PLA2G2C: variants seen among roughly 807,000 people sequenced by gnomAD.
The protein encoded by PLA2G2C is putative inactive group IIC secretory phospholipase A2.
In PLA2G2C, 15 loss-of-function variants were observed where a neutral mutation model predicts 14.3. That is an observed-to-expected ratio of 1.05 (90% CI 0.70 to 1.62). PLA2G2C has a LOEUF of 1.62. PLA2G2C is among the 40% of genes most tolerant of loss of function. The probability of loss-of-function intolerance (pLI) is 0.00; values close to 1 mark genes in which losing one functional copy is unlikely to be tolerated. For synonymous variants in PLA2G2C, 79 were observed against 67.7 expected (o/e 1.17, Z -0.82); for missense variants, 162 against 173.2 (o/e 0.94, Z 0.36).
intron 1 of PLA2G2C, among the ~76,000 whole-genome samples, chr1:20,177,851 TTCA>T (rs2018212943): frequency 6.6e-6 from 1 of 152,234 alleles, no homozygotes; most frequent in South Asian, 2.1e-4. Context: ...AGGCATCATA[TTCA>T]TCAACTTTAC....
At chr1:20,165,043 G>A (rs553206613) in intron 4 of PLA2G2C, among the ~76,000 whole-genome samples, 2 of 152,236 alleles carry the variant, frequency 1.3e-5, no homozygotes, top group African/African-American at 2.4e-5. Context: ...GAATCCTTCC[G>A]TGGCCTCCGT....
At chr1:20,165,693 CGT>C (rs917587413) in intron 4 of PLA2G2C, among the ~76,000 whole-genome samples, 5 of 151,040 alleles carry the variant, frequency 3.3e-5, no homozygotes, top group South Asian at 2.1e-4. Context: ...TGTGCATGCG[CGT>C]GTGTGCATGC....
chr1:20,166,400 G>A (rs1455049906), intron 4 of PLA2G2C, among the ~76,000 whole-genome samples: 1 of 152,036 alleles, frequency 6.6e-6, no homozygotes, highest in African/African-American at 2.4e-5. Context: ...CTAGCGCCTG[G>A]GTGCCCTCTG....
Position 20,163,827 on chromosome 1 carries a change from A to T in PLA2G2C, c.*164T>A. The T allele has an allele frequency of 1.4e-6, 1 of 730,292 alleles. No homozygotes were observed. The highest frequency in any genetic ancestry group is 2.2e-6 in the Non-Finnish European group (1 of 463,854). 45.2% of individuals were successfully genotyped at this position (730,292 alleles called of 1,614,324 possible). On this transcript the variant is annotated 3_prime_UTR_variant, in exon 5 of 5. Transcript: ENST00000679259. Reference sequence around the variant, plus strand: ...AGCCCTCTGATGCTGAACGACAGGGAGTCCCCTTGGTCAGAATGCTGAAGG... The same window carrying T: ...AGCCCTCTGATGCTGAACGACAGGGTGTCCCCTTGGTCAGAATGCTGAAGG...
In PLA2G2C at chr1:20,164,075, G is replaced by T; in HGVS notation, c.366C>A (p.Phe122Leu). Residue 122 changes from phenylalanine to leucine, a missense_variant, in exon 5 of 5, where the codon TTC becomes TTA. Physicochemically the swap from Phe to Leu is conservative, Grantham distance 22 (BLOSUM62 0). Transcript: ENST00000679259. ...TCTCATAGGTGGGCAGGCTCTCTTT[G>T]AAGCAGTGCACGGATTGCTTGTCAC... ...CECDKQSVHC[F>L]KESLPTYEKN... 3 of 1,613,944 alleles carry T rather than the reference G, an allele frequency of 1.9e-6. No homozygotes were observed. Among genetic ancestry groups the T allele is most frequent in the Non-Finnish European group, 2.5e-6 (3 of 1,179,856 alleles).
In PLA2G2C at chr1:20,172,869, C is replaced by T. The variant is rs770249103; in HGVS notation, c.208G>A (p.Glu70Lys). The T allele has an allele frequency of 1.7e-5, 28 of 1,613,744 alleles. No homozygotes were observed. In the East Asian group the frequency reaches 1.8e-4, roughly 10 times the overall value. The change falls in exon 4 of 5, where the codon GAG (glutamate) becomes AAG (lysine). Residue 70 changes from glutamate to lysine, a missense_variant. Physicochemically the swap from Glu to Lys is moderately conservative, Grantham distance 56 (BLOSUM62 1). Coordinates refer to ENST00000679259, the MANE Select transcript of PLA2G2C (RefSeq NM_001367969.2). ...TGGCAGCTGAACTCCTTCAGCTTCT[C>T]GTAGGGAGAGGGAGATGAGGGGCTG... The part of the protein sequence containing the change: ...RHSPSSPSPY[E>K]KLKEFSCQPV...
chr1:20,177,703 T>G (rs2018210949), intron 1 of PLA2G2C, among the ~76,000 whole-genome samples: 1 of 152,166 alleles, frequency 6.6e-6, no homozygotes, highest in Non-Finnish European at 1.5e-5. Context: ...CATCTCTTCT[T>G]TTTTTCTTTT....
chr1:20,165,169 G>C (rs1481445665), intron 4 of PLA2G2C, among the ~76,000 whole-genome samples: 1 of 152,288 alleles, frequency 6.6e-6, no homozygotes, highest in Middle Eastern at 3.4e-3. Context: ...CATGTCACAG[G>C]TCTTGCTCTG....
chr1:20,181,501 T>A (rs938471753), intron 1 of PLA2G2C, among the ~76,000 whole-genome samples: 1 of 152,002 alleles, frequency 6.6e-6, no homozygotes, highest in African/African-American at 2.4e-5. Flanking sequence ...TCTGACTCCA[T>A]AGCTGGCAAT....
chr1:20,164,121 C>T lies in PLA2G2C; in HGVS notation c.320G>A (p.Cys107Tyr), dbSNP rs767236098. 6.2e-7 allele frequency: 1 copy of T among 1,613,476 alleles called. No homozygotes were observed. The highest frequency in any genetic ancestry group is 1.7e-5 in the Admixed American group (1 of 60,016). Reference sequence around the variant, plus strand: ...GTCACACTCACAGGCCTTCAGCCTGCAGTGGCAGCTGGCACCAGGACCAAG... The same window carrying T: ...GTCACACTCACAGGCCTTCAGCCTGTAGTGGCAGCTGGCACCAGGACCAAG... ...CTLGPGASCH[C>Y]RLKACECDKQ... The change falls in exon 5 of 5, where the codon TGC becomes TAC. Residue 107 changes from cysteine (C) to tyrosine (Y), a missense_variant. Physicochemically the swap from Cys to Tyr is radical, Grantham distance 194. Coordinates refer to ENST00000679259, the MANE Select transcript of PLA2G2C (RefSeq NM_001367969.2).
Position 20,163,869 on chromosome 1 carries a change from G to C in PLA2G2C, c.*122C>G, listed in dbSNP as rs769770930. On this transcript the variant is annotated 3_prime_UTR_variant, in exon 5 of 5. Coordinates refer to ENST00000679259, the MANE Select transcript of PLA2G2C (RefSeq NM_001367969.2). The stretch of plus-strand genomic sequence containing the variant: ...TGCTGAAGGGTGAGCTGCCCTGCGG[G>C]AGACATTTTGTCCTCCCTCCCAGTG... 21 of 1,134,426 alleles carry C rather than the reference G, an allele frequency of 1.9e-5. No homozygotes were observed. Among genetic ancestry groups the C allele is most frequent in the Non-Finnish European group, 2.4e-5 (20 of 816,462 alleles). 70.3% of individuals were successfully genotyped at this position (1,134,426 alleles called of 1,614,324 possible).
At chr1:20,165,352 C>T (rs1018460967) in intron 4 of PLA2G2C, among the ~76,000 whole-genome samples, 4 of 152,218 alleles carry the variant, frequency 2.6e-5, no homozygotes, top group African/African-American at 9.7e-5. Flanking sequence ...GTCCTCCATA[C>T]CCGTTTGTCT....
At chr1:20,180,507 G>GA (rs2018263519) in intron 1 of PLA2G2C, among the ~76,000 whole-genome samples, 1 of 152,222 alleles carries the variant, frequency 6.6e-6, no homozygotes, top group Admixed American at 6.5e-5. Context: ...GAAGTAACCT[G>GA]AAAAAATCCA....
intron 3 of PLA2G2C, 87 bp from the exon 4 acceptor site, chr1:20,172,984 G>A: frequency 1.1e-6 from 1 of 928,288 alleles, no homozygotes. Context: ...AGGCAAGAAG[G>A]CATTGAAGGT....
intron 4 of PLA2G2C, among the ~76,000 whole-genome samples, chr1:20,167,882 A>C (rs1429935580): frequency 6.6e-6 from 1 of 151,980 alleles, no homozygotes. Context: ...TGACCCCCAA[A>C]CGCTGTCATT....
chr1:20,178,819 A>C (rs2018230959), intron 1 of PLA2G2C, among the ~76,000 whole-genome samples: 1 of 152,230 alleles, frequency 6.6e-6, no homozygotes, highest in Non-Finnish European at 1.5e-5. Flanking sequence ...GGAAGCTGCC[A>C]AGCTGGCTAG....
rs780741336 is a variant in PLA2G2C, at chr1:20,177,296, G to C, written c.40+28C>G. 4.3e-6 allele frequency: 3 copies of C among 700,532 alleles called. No homozygotes were observed. In the South Asian group the frequency reaches 4.4e-5, roughly 10 times the overall value. The allele number at this position is 700,532 out of a possible 1,614,324, so 43.4% of individuals were successfully genotyped here. A position where few individuals can be genotyped will look rare whatever the true frequency, so the allele number is the denominator to read the frequency against. Reference sequence around the variant, plus strand: ...ACATAAACAGGAAGACAGAAGCTTGGTGCTGACCCACCAAGCTCTCTACTT... The same window carrying C: ...ACATAAACAGGAAGACAGAAGCTTGCTGCTGACCCACCAAGCTCTCTACTT... On this transcript the variant is annotated intron_variant, in intron 2 of 4. Transcript: ENST00000679259.
At chr1:20,176,622 A>C (rs985582570) in intron 2 of PLA2G2C, among the ~76,000 whole-genome samples, 2 of 152,362 alleles carry the variant, frequency 1.3e-5, no homozygotes, top group African/African-American at 4.8e-5. Flanking sequence ...CCCTGCGTAC[A>C]GGTATCCTCC....
At chr1:20,170,219 G>C (rs1226955294) in intron 4 of PLA2G2C, among the ~76,000 whole-genome samples, 1 of 152,226 alleles carries the variant, frequency 6.6e-6, no homozygotes, top group Non-Finnish European at 1.5e-5. Context: ...CCCATTTCAT[G>C]GATGGGAAAA....
Sources: gnomAD v4.1 joint callset for allele counts (sites outside exome capture counted in the v4.1 genomes callset) on GRCh38, gnomAD v4.1.1 for gene constraint, MANE v1.5 for transcripts, NCBI Gene and HGNC (gene_info 2026-07-23, HGNC 2026-07-21) for gene names.